The following ZFHX3 variants were observed in gnomAD, a reference collection of about 807,000 sequenced individuals.
ZFHX3 encodes the protein zinc finger homeobox protein 3.
In ZFHX3, 42 loss-of-function variants were observed where a neutral mutation model predicts 279.1. The ratio of observed to expected loss-of-function variants is 0.15; its 90% CI spans 0.12 to 0.19. ZFHX3 has a LOEUF of 0.19. Ranked by LOEUF, ZFHX3 falls within the 10% of genes least tolerant of loss-of-function variation. The pLI, the probability that ZFHX3 is intolerant of heterozygous loss-of-function variation, is 1.00. For synonymous variants in ZFHX3, 2,293 were observed against 1,957.8 expected, an observed-to-expected ratio of 1.17 and a Z score of -4.52; for missense variants, 4,981 against 4,754.0, an observed-to-expected ratio of 1.05 and a Z score of -1.40.
At chr16:73,859,392 GC>G (rs1014317432) in intron 1 of ZFHX3, among the ~76,000 whole-genome samples, 1 of 152,166 alleles carries the variant, frequency 6.6e-6, no homozygotes, top group African/African-American at 2.4e-5. Context: ...GAAAGAAGTG[GC>G]CCTCCCTTGA....
intron 1 of ZFHX3, among the ~76,000 whole-genome samples, chr16:72,974,159 C>T (rs1378156138): frequency 6.6e-6 from 1 of 152,164 alleles, no homozygotes; most frequent in Non-Finnish European, 1.5e-5. Flanking sequence ...CAGAAGCAGC[C>T]AGGAGCCTTA....
Position 72,796,781 on chromosome 16 carries a change from C to T in ZFHX3, c.5901G>A (p.Val1967=), listed in dbSNP as rs775867263. The T allele has an allele frequency of 3.7e-6, 6 of 1,613,426 alleles. No homozygotes were observed. In the South Asian group the frequency reaches 5.5e-5, roughly 15 times the overall value. Residue 1967 remains valine (V), a synonymous_variant, in exon 9 of 10, where the codon GTG becomes GTA. Coordinates refer to ENST00000268489, the MANE Select transcript of ZFHX3 (RefSeq NM_006885.4). ...GGTCAGTCTTCCCATTCTTTTTCTGCACCTTCTGCTTGTTCTCATTATACT... is the reference window on the plus strand; with the variant it reads ...GGTCAGTCTTCCCATTCTTTTTCTGTACCTTCTGCTTGTTCTCATTATACT... ...VIQYNENKQK[V]QKKNGKTDQG...
At chr16:73,088,510 A>G (rs1271994239) in intron 8 of ZFHX3, among the ~76,000 whole-genome samples, 1 of 152,158 alleles carries the variant, frequency 6.6e-6, no homozygotes, top group East Asian at 1.9e-4. Context: ...GAAGCCTAGA[A>G]TATAAGAAAC....
In ZFHX3 at chr16:73,797,039, T is replaced by C. The variant is rs547924900; in HGVS notation, c.-1608+94612A>G. 3.6e-3 allele frequency among the ~76,000 whole-genome samples: 514 copies of C among 142,258 alleles called. 2 individuals are homozygous for C. The highest frequency in any genetic ancestry group is 0.012 in the African/African-American group (477 of 38,656). 93.3% of individuals were successfully genotyped at this position (142,258 alleles called of 152,430 possible). ...CAACATGGCGAAACCCTGTCTCTAC[T>C]AAAAAAAAAAAAAATTAGCCAGGCA... On this transcript the variant is annotated intron_variant, in intron 1 of 17. Coordinates refer to the ZFHX3 transcript ENST00000641206.
rs147257616 is a variant in ZFHX3 at position 73,662,558 on chromosome 16, C to T, written c.-1547+17622G>A. The stretch of plus-strand genomic sequence containing the variant: ...TTAGAACAATAAATAAATAAACCAG[C>T]CACAGCCTTCCTGAGGCTGGCAAAC... On this transcript the variant is annotated intron_variant, in intron 2 of 17. Coordinates refer to the ZFHX3 transcript ENST00000641206. 1.7e-3 allele frequency among the ~76,000 whole-genome samples: 254 copies of T among 152,244 alleles called. 2 individuals are homozygous for T. Among genetic ancestry groups the T allele is most frequent in the Middle Eastern group, 6.8e-3 (2 of 294 alleles).
chr16:73,560,308 G>C (rs894875111), intron 2 of ZFHX3, among the ~76,000 whole-genome samples: 4 of 152,164 alleles, frequency 2.6e-5, no homozygotes, highest in Admixed American at 6.5e-5. Context: ...CATACAGGTA[G>C]TGGAGGAAGC....
chr16:72,898,986 G>C (rs1026006790), intron 3 of ZFHX3, among the ~76,000 whole-genome samples: 4 of 152,028 alleles, frequency 2.6e-5, no homozygotes, highest in Non-Finnish European at 4.4e-5. Context: ...CAACAAAGTG[G>C]GTCCCACCAA....
chr16:73,309,117 G>C (rs1054766659), intron 4 of ZFHX3, among the ~76,000 whole-genome samples: 1 of 152,218 alleles, frequency 6.6e-6, no homozygotes, highest in South Asian at 2.1e-4. Context: ...TACATGTGCA[G>C]GTTTGTTATA....
intron 4 of ZFHX3, among the ~76,000 whole-genome samples, chr16:72,869,912 A>G (rs1215045085): frequency 6.6e-6 from 1 of 152,238 alleles, no homozygotes; most frequent in Non-Finnish European, 1.5e-5. Context: ...ACAAATCAAT[A>G]TCATGTATCT....
intron 2 of ZFHX3, among the ~76,000 whole-genome samples, chr16:73,606,458 C>T (rs2052183685): frequency 6.9e-6 from 1 of 145,734 alleles, no homozygotes; most frequent in South Asian, 2.2e-4. Flanking sequence ...TGCACTCTAG[C>T]TTGGGGGACA....
intron 1 of ZFHX3, among the ~76,000 whole-genome samples, chr16:73,754,375 G>T (rs1433553458): frequency 1.3e-5 from 2 of 152,110 alleles, no homozygotes; most frequent in African/African-American, 2.4e-5. Context: ...CTGAAACCCA[G>T]TTCTTGACTC....
At chr16:72,930,997 G>A (rs2144293444) in intron 3 of ZFHX3, among the ~76,000 whole-genome samples, 1 of 152,246 alleles carries the variant, frequency 6.6e-6, no homozygotes, top group South Asian at 2.1e-4. Context: ...GTTCAAATTT[G>A]CAACCTTAAC....
chr16:73,750,815 C>T (rs2053755807), intron 1 of ZFHX3, among the ~76,000 whole-genome samples: 1 of 151,950 alleles, frequency 6.6e-6, no homozygotes, highest in South Asian at 2.1e-4. Context: ...AATATGATGC[C>T]TTGATGGGAA....
chr16:73,797,677 T>C (rs976942187), intron 1 of ZFHX3, among the ~76,000 whole-genome samples: 1 of 152,208 alleles, frequency 6.6e-6, no homozygotes, highest in Non-Finnish European at 1.5e-5. Context: ...GAAAGAACCA[T>C]GGGTAAGTCA....
At chr16:73,210,584 C>T (rs946225187) in intron 5 of ZFHX3, among the ~76,000 whole-genome samples, 1 of 152,040 alleles carries the variant, frequency 6.6e-6, no homozygotes, top group East Asian at 1.9e-4. Flanking sequence ...TCCTATTGAC[C>T]TGAATTCAAA....
At chr16:73,627,485 C>T (rs1196316061) in intron 2 of ZFHX3, among the ~76,000 whole-genome samples, 1 of 152,212 alleles carries the variant, frequency 6.6e-6, no homozygotes, top group Admixed American at 6.5e-5. Flanking sequence ...ATCAGCTTGT[C>T]AAGAGAAACC....
At chr16:73,504,244 T>C (rs1351671669) in intron 2 of ZFHX3, 1 of 152,186 alleles carries the variant, frequency 6.6e-6, no homozygotes, top group East Asian at 1.9e-4. Flanking sequence ...TAAATAGCTA[T>C]AGAATAAACA....
At chr16:73,668,197 T>C (rs1299347225) in intron 2 of ZFHX3, among the ~76,000 whole-genome samples, 1 of 152,182 alleles carries the variant, frequency 6.6e-6, no homozygotes, top group African/African-American at 2.4e-5. Flanking sequence ...GGAAATGTAC[T>C]AGCCATTGTA....
intron 5 of ZFHX3, among the ~76,000 whole-genome samples, chr16:73,157,405 C>A (rs935022827): frequency 2.3e-5 from 3 of 132,262 alleles, no homozygotes; most frequent in Non-Finnish European, 4.6e-5. Flanking sequence ...CACAGGTTAA[C>A]TTCATTCTTG....
Sources: gnomAD v4.1 joint callset for allele counts (sites outside exome capture counted in the v4.1 genomes callset) on GRCh38, gnomAD v4.1.1 for gene constraint, MANE v1.5 for transcripts, NCBI Gene and HGNC (gene_info 2026-07-23, HGNC 2026-07-21) for gene names.